TNFSF4: variants seen among roughly 807,000 people sequenced by gnomAD.
TNFSF4 encodes TNF superfamily member 4.
Under a neutral mutation model 7.3 loss-of-function variants are expected in TNFSF4, and 4 were observed. The ratio of observed to expected loss-of-function variants is 0.55; its 90% CI spans 0.27 to 1.25. The LOEUF (loss-of-function observed/expected upper bound fraction) is 1.25. Among genes scored for constraint, TNFSF4 ranks in the 50% most tolerant of loss-of-function variants. The pLI is 0.12. For missense variants in TNFSF4, 181 were observed against 208.8 expected (o/e 0.87, Z 0.82); for synonymous variants, 76 against 83.7 (o/e 0.91, Z 0.50).
the TNFSF4 span, among the ~76,000 whole-genome samples, chr1:173,346,381 C>T: frequency 6.6e-6 from 1 of 152,132 alleles, no homozygotes; most frequent in African/African-American, 2.4e-5. Context: ...TTTTAAATCC[C>T]TCTGAATTCT....
chr1:173,389,031 T>G, the TNFSF4 span, among the ~76,000 whole-genome samples: 1 of 152,246 alleles, frequency 6.6e-6, no homozygotes, highest in Non-Finnish European at 1.5e-5. Flanking sequence ...GTATGTTATG[T>G]GCATATATAA....
chr1:173,254,489 G>C, the TNFSF4 span, among the ~76,000 whole-genome samples: 1 of 152,174 alleles, frequency 6.6e-6, no homozygotes, highest in African/African-American at 2.4e-5. Flanking sequence ...AAAATGGTCT[G>C]TTTTGGGTTC....
At chr1:173,340,421 G>C in the TNFSF4 span, among the ~76,000 whole-genome samples, 1 of 151,932 alleles carries the variant, frequency 6.6e-6, no homozygotes, top group Admixed American at 6.6e-5. Flanking sequence ...AGTAGGGAAA[G>C]AGAAATTGTA....
the TNFSF4 span, among the ~76,000 whole-genome samples, chr1:173,265,694 A>G: frequency 6.6e-6 from 1 of 152,150 alleles, no homozygotes; most frequent in Non-Finnish European, 1.5e-5. Context: ...TCTTCAAAGG[A>G]CAGCTGAAAT....
At chr1:173,397,410 T>C in the TNFSF4 span, among the ~76,000 whole-genome samples, 1 of 152,188 alleles carries the variant, frequency 6.6e-6, no homozygotes, top group Non-Finnish European at 1.5e-5. Context: ...AAGGAAATAA[T>C]TGGACCTTTT....
intron 1 of TNFSF4, among the ~76,000 whole-genome samples, chr1:173,200,447 A>G (rs1649896347): frequency 6.6e-6 from 1 of 152,232 alleles, no homozygotes; most frequent in Admixed American, 6.5e-5. Context: ...TCCATTCTAA[A>G]AAACGGTTTG....
At chr1:173,263,843 C>T in the TNFSF4 span, among the ~76,000 whole-genome samples, 1 of 152,174 alleles carries the variant, frequency 6.6e-6, no homozygotes, top group Admixed American at 6.5e-5. Flanking sequence ...GGGCAATTTC[C>T]AGAGAGGAAA....
chr1:173,219,478 G>A, the TNFSF4 span, among the ~76,000 whole-genome samples: 6 of 152,166 alleles, frequency 3.9e-5, no homozygotes, highest in South Asian at 6.2e-4. Flanking sequence ...TAGAGATTCC[G>A]TAAAGAACTA....
the TNFSF4 span, among the ~76,000 whole-genome samples, chr1:173,339,455 C>T: frequency 6.6e-6 from 1 of 152,110 alleles, no homozygotes; most frequent in South Asian, 2.1e-4. Context: ...GAGGTAATTA[C>T]AAATACCAGC....
At chr1:173,320,744 T>A in the TNFSF4 span, among the ~76,000 whole-genome samples, 1 of 151,938 alleles carries the variant, frequency 6.6e-6, no homozygotes, top group Non-Finnish European at 1.5e-5. Flanking sequence ...ATGAAGAGAA[T>A]AAAATACACA....
At chr1:173,419,174 CCA>C in the TNFSF4 span, among the ~76,000 whole-genome samples, 1 of 151,834 alleles carries the variant, frequency 6.6e-6, no homozygotes, top group Non-Finnish European at 1.5e-5. Context: ...CCCATCTCTA[CCA>C]AAAAAATACA....
the TNFSF4 span, among the ~76,000 whole-genome samples, chr1:173,373,651 A>G: frequency 6.6e-6 from 1 of 152,216 alleles, no homozygotes. Flanking sequence ...TGCCAAAGGA[A>G]TAATCCCTTG....
At chr1:173,239,501 G>A in the TNFSF4 span, among the ~76,000 whole-genome samples, 33 of 152,238 alleles carry the variant, frequency 2.2e-4, no homozygotes, top group South Asian at 6.5e-3. Context: ...TTTTCAATAT[G>A]TTCTGTCACT....
At chr1:173,222,794 G>A in the TNFSF4 span, among the ~76,000 whole-genome samples, 20 of 152,248 alleles carry the variant, frequency 1.3e-4, no homozygotes, top group Admixed American at 6.5e-4. Context: ...AAATATGATC[G>A]TTAAAACTGG....
At chr1:173,255,663 A>G in the TNFSF4 span, among the ~76,000 whole-genome samples, 358 of 152,370 alleles carry the variant, frequency 2.3e-3, 3 homozygotes, top group Admixed American at 0.021. Context: ...AGTTAGACAC[A>G]TACTAGCACA....
At chr1:173,256,770 T>C in the TNFSF4 span, among the ~76,000 whole-genome samples, 3 of 152,206 alleles carry the variant, frequency 2.0e-5, no homozygotes, top group African/African-American at 7.2e-5. Context: ...CTCCCCTATC[T>C]ATTGGGGAAG....
At chr1:173,197,726 C>T (rs559593399) in intron 1 of TNFSF4, among the ~76,000 whole-genome samples, 40 of 152,318 alleles carry the variant, frequency 2.6e-4, no homozygotes, top group African/African-American at 9.6e-4. Flanking sequence ...CTAATGGATG[C>T]TGAGCTTAAC....
the TNFSF4 span, among the ~76,000 whole-genome samples, chr1:173,377,496 A>G: frequency 5.0e-4 from 76 of 152,340 alleles, no homozygotes; most frequent in African/African-American, 1.8e-3. Context: ...GAACTCTCAA[A>G]GTCACGACGC....
the TNFSF4 span, among the ~76,000 whole-genome samples, chr1:173,319,139 A>T: frequency 3.9e-5 from 6 of 152,178 alleles, no homozygotes; most frequent in Non-Finnish European, 8.8e-5. Flanking sequence ...TCAAGCTAGG[A>T]CAATCAAGCT....
Sources: allele counts gnomAD v4.1 joint callset (sites outside exome capture counted in the v4.1 genomes callset), GRCh38; gene constraint gnomAD v4.1.1; transcripts MANE v1.5; gene names NCBI Gene and HGNC (gene_info 2026-07-23, HGNC 2026-07-21).